The following NUP210 variants were observed in gnomAD, a reference collection of about 807,000 sequenced individuals.
NUP210 encodes the protein nuclear pore membrane glycoprotein 210.
A neutral mutation model predicts 196.0 loss-of-function variants in NUP210; 151 were observed. That is an observed-to-expected ratio of 0.77 (90% CI 0.67 to 0.88). The LOEUF is 0.88. NUP210 is among the 40% of genes least tolerant of loss of function. The pLI is 0.00. For synonymous variants in NUP210, 1,070 were observed against 1,052.7 expected, an observed-to-expected ratio of 1.02 and a Z score of -0.32; for missense variants, 2,314 against 2,493.7, an observed-to-expected ratio of 0.93 and a Z score of 1.53.
Position 13,360,298 on chromosome 3 carries a change from A to G in NUP210, c.2126T>C (p.Leu709Pro). 1.2e-6 allele frequency: 2 copies of G among 1,614,220 alleles called. No individual in the cohort carries two copies. Among genetic ancestry groups the G allele is most frequent in the Non-Finnish European group, 1.7e-6 (2 of 1,180,040 alleles). ...SSRNYQQHWILVTCQALGEQV... is the reference protein window; with the variant it reads ...SSRNYQQHWIPVTCQALGEQV... The stretch of plus-strand genomic sequence containing the variant: ...CTCACCCAAGGCCTGACAGGTCACA[A>G]GGATCCAGTGTTGCTGATAATTCCG... The change falls in exon 15 of 40, where the codon CTT (leucine) becomes CCT (proline). Residue 709 changes from leucine (L) to proline (P), a missense_variant. Leu to Pro is a moderately conservative substitution (Grantham distance 98). Transcript: ENST00000254508.
At chr3:13,411,539 C>T (rs1700173678) in intron 1 of NUP210, among the ~76,000 whole-genome samples, 1 of 152,126 alleles carries the variant, frequency 6.6e-6, no homozygotes, top group Non-Finnish European at 1.5e-5. Context: ...TTTTGGCTCC[C>T]TCTGTCCATC....
intron 1 of NUP210, among the ~76,000 whole-genome samples, chr3:13,400,187 G>A (rs557515683): frequency 5.9e-5 from 9 of 152,266 alleles, no homozygotes; most frequent in East Asian, 3.9e-4. Flanking sequence ...TGTGGGAGTC[G>A]TTCAGTACCA....
chr3:13,355,341 C>T (rs1233661188), intron 16 of NUP210, among the ~76,000 whole-genome samples: 1 of 152,210 alleles, frequency 6.6e-6, no homozygotes, highest in African/African-American at 2.4e-5. Context: ...GCTTCACTGC[C>T]AGATCCCGAC....
rs777248899 is a variant in NUP210 at position 13,399,798 on chromosome 3, G to A, written c.231C>T (p.Ser77=). The change falls in exon 2 of 40, where the codon TCC becomes TCT. Residue 77 remains serine (S), a synonymous_variant. Coordinates refer to ENST00000254508, the MANE Select transcript of NUP210 (RefSeq NM_024923.4). ...EPLGLDEQQC[S]QKAVVQARLT... ...GGCGGGCCTGCACCACTGCCTTCTG[G>A]GAGCACTGCTGCTCGTCCAGGCCCA... 5.0e-6 allele frequency: 8 copies of A among 1,613,872 alleles called. No homozygotes were observed. The highest frequency in any genetic ancestry group is 1.7e-5 in the Admixed American group (1 of 59,978).
chr3:13,368,229 C>T (rs1698606925), intron 13 of NUP210, among the ~76,000 whole-genome samples: 2 of 152,196 alleles, frequency 1.3e-5, no homozygotes, highest in East Asian at 1.9e-4. Context: ...GAGTGAGCCA[C>T]CACACCAGGA....
At position 13,347,422 on chromosome 3, in the gene NUP210, G is replaced by A. The variant is rs771533926; in HGVS notation, c.2836-4119C>T. 47 of 751,718 alleles carry A rather than the reference G, an allele frequency of 6.3e-5. No individual in the cohort carries two copies. Among genetic ancestry groups the A allele is most frequent in the Non-Finnish European group, 7.1e-5 (44 of 616,936 alleles). The allele number at this position is 751,718 out of a possible 1,614,324, so 46.6% of individuals were successfully genotyped here. ...AAGAAGGAAAACTTAGGCTTAAATCGGATAAACACTCCTATGTGCAAACCA... is the reference window on the plus strand; with the variant it reads ...AAGAAGGAAAACTTAGGCTTAAATCAGATAAACACTCCTATGTGCAAACCA... On this transcript the variant is annotated intron_variant, in intron 20 of 39. Coordinates refer to ENST00000254508, the MANE Select transcript of NUP210 (RefSeq NM_024923.4). The surrounding 1 kb of genome is among the most constrained non-coding windows in gnomAD (Gnocchi z 4.7).
chr3:13,361,688 C>G (rs1232378712), intron 14 of NUP210, among the ~76,000 whole-genome samples: 1 of 152,206 alleles, frequency 6.6e-6, no homozygotes, highest in African/African-American at 2.4e-5. Flanking sequence ...CATCTACTCT[C>G]CCTTCAAACA....
At chr3:13,417,045 GAATCAGGAACTTGTCACAA>G (rs1363298556) in intron 1 of NUP210, among the ~76,000 whole-genome samples, 5 of 152,182 alleles carry the variant, frequency 3.3e-5, no homozygotes, top group Admixed American at 2.6e-4. Flanking sequence ...TATCTAGAAG[GAATCAGGAACTTGTCACAA>G]AACCAGTGCT....
rs553918791 is a variant in NUP210, at chr3:13,343,217, G to C, written c.2922C>G (p.Tyr974Ter). 1 of 1,612,962 alleles carries C rather than the reference G, an allele frequency of 6.2e-7. No individual in the cohort carries two copies. The highest frequency in any genetic ancestry group is 1.3e-5 in the African/African-American group (1 of 74,964). The change falls in exon 21 of 40, where the codon TAC becomes TAG. Residue 974 changes from tyrosine (Y) to a stop codon, truncating the protein, a stop_gained. Transcript: ENST00000254508. LOFTEE classifies it high-confidence loss of function. The part of the protein sequence containing the change: ...VFPAPAKAVV[Y>*]VSDIQELYIR... Reference sequence around the variant, plus strand: ...TGTACAGCTCCTGAATGTCCGACACGTAAACGACAGCCTTGGCTGGGGCCG... The same window carrying C: ...TGTACAGCTCCTGAATGTCCGACACCTAAACGACAGCCTTGGCTGGGGCCG...
chr3:13,388,706 T>C (rs1699368099), intron 4 of NUP210, among the ~76,000 whole-genome samples: 1 of 152,230 alleles, frequency 6.6e-6, no homozygotes, highest in Non-Finnish European at 1.5e-5. Flanking sequence ...TGCCTGGGAA[T>C]CTGCATTTTA....
rs1309644863 is a variant in NUP210 at position 13,341,852 on chromosome 3, T to C, written c.3124A>G (p.Ile1042Val). ...GCCACACCGCGGATGAGGAATGTGA[T>C]GGTGTAGTTGTCAAGGGCTTCATCA... ...ALDEALDNYT[I>V]TFLIRGVAIG... Residue 1042 changes from isoleucine to valine, a missense_variant, in exon 23 of 40, where the codon ATC (isoleucine) becomes GTC (valine). Physicochemically the swap from Ile to Val is conservative, Grantham distance 29 (BLOSUM62 3). Transcript: ENST00000254508. The C allele has an allele frequency of 1.2e-6, 2 of 1,614,036 alleles. No homozygotes were observed. The highest frequency in any genetic ancestry group is 1.3e-5 in the African/African-American group (1 of 74,914).
intron 1 of NUP210, among the ~76,000 whole-genome samples, chr3:13,401,950 T>G (rs1699853079): frequency 6.6e-6 from 1 of 151,552 alleles, no homozygotes; most frequent in Non-Finnish European, 1.5e-5. Context: ...ATCCTAACAC[T>G]TTGGGAGGCT....
intron 39 of NUP210, 61 bp from the exon 40 acceptor site, chr3:13,317,842 T>C: frequency 1.6e-6 from 2 of 1,217,256 alleles, no homozygotes; most frequent in Non-Finnish European, 1.2e-6. Context: ...CACTCTTCAG[T>C]TACAGCCAGC....
chr3:13,319,509 G>C (rs1235649773), intron 37 of NUP210, among the ~76,000 whole-genome samples, 184 bp from the exon 38 acceptor site: 1 of 147,686 alleles, frequency 6.8e-6, no homozygotes, highest in Non-Finnish European at 1.5e-5. Context: ...TGGTACCCTG[G>C]CACTTCTTCT....
At chr3:13,382,560 A>C (rs1699138189) in intron 6 of NUP210, among the ~76,000 whole-genome samples, 1 of 152,260 alleles carries the variant, frequency 6.6e-6, no homozygotes, top group Non-Finnish European at 1.5e-5. Context: ...AAAAGAAGAG[A>C]GGCAGACATA....
chr3:13,360,578 G>T, intron 14 of NUP210, 87 bp from the exon 15 acceptor site: 5 of 985,616 alleles, frequency 5.1e-6, no homozygotes, highest in Non-Finnish European at 7.5e-6. Flanking sequence ...TCCTCACCCC[G>T]CTTGTGGGGG....
Position 13,353,555 on chromosome 3 carries a change from GGCT to G in NUP210, c.2624_2626del (p.Gln875del). 1 of 1,613,254 alleles carries G rather than the reference GGCT, an allele frequency of 6.2e-7. No homozygotes were observed. On this transcript the variant is annotated inframe_deletion and splice_region_variant, in exon 18 of 40. Coordinates refer to ENST00000254508, the MANE Select transcript of NUP210 (RefSeq NM_024923.4). The stretch of plus-strand genomic sequence containing the variant: ...CCACCACTGGGCCCTGGGAGATACC[GGCT>G]GCTTTGTTCTGGCAGAGCTGAGGTG...
chr3:13,335,761 G>A, intron 27 of NUP210, 149 bp from the exon 28 acceptor site: 1 of 915,452 alleles, frequency 1.1e-6, no homozygotes, highest in Non-Finnish European at 1.6e-6. Context: ...TCCTGCCTGG[G>A]TTGGGTCTGC....
intron 13 of NUP210, among the ~76,000 whole-genome samples, chr3:13,369,285 T>C (rs1698645585): frequency 6.6e-6 from 1 of 152,250 alleles, no homozygotes; most frequent in Non-Finnish European, 1.5e-5. Context: ...ATTGGTGTTA[T>C]TGCTGCTGAC....
Sources: allele counts gnomAD v4.1 joint callset (sites outside exome capture counted in the v4.1 genomes callset), GRCh38; gene constraint gnomAD v4.1.1; non-coding constraint Gnocchi (gnomAD v3.1); transcripts MANE v1.5; gene names NCBI Gene and HGNC (gene_info 2026-07-23, HGNC 2026-07-21).